NR4A3: variants seen among roughly 807,000 people sequenced by gnomAD.
NR4A3 encodes nuclear receptor subfamily 4 group A member 3.
Under a neutral mutation model 55.6 loss-of-function variants are expected in NR4A3, and 13 were observed. The ratio of observed to expected loss-of-function variants is 0.23; its 90% CI spans 0.15 to 0.37. The LOEUF (loss-of-function observed/expected upper bound fraction) is 0.37. Ranked by LOEUF, NR4A3 falls within the 10% of genes least tolerant of loss-of-function variation. NR4A3 has a pLI of 1.00. For synonymous variants in NR4A3, 342 were observed against 357.9 expected, an observed-to-expected ratio of 0.96 and a Z score of 0.50; for missense variants, 646 against 822.8, an observed-to-expected ratio of 0.79 and a Z score of 2.63.
At chr9:99,827,709 A>G (rs922310222) in intron 2 of NR4A3, among the ~76,000 whole-genome samples, 4 of 152,210 alleles carry the variant, frequency 2.6e-5, no homozygotes, top group African/African-American at 9.7e-5. Context: ...ATTAGTTTAT[A>G]GGATTCAAAG....
At chr9:99,850,181 A>C (rs1827823328) in intron 7 of NR4A3, among the ~76,000 whole-genome samples, 1 of 152,244 alleles carries the variant, frequency 6.6e-6, no homozygotes, top group East Asian at 1.9e-4. Context: ...TCTTGAGAAC[A>C]ACGAGGATCC....
chr9:99,864,242 G>A lies in NR4A3; in HGVS notation c.*375G>A, dbSNP rs1355900309. 2 of 254,194 alleles carry A rather than the reference G, an allele frequency of 7.9e-6. No homozygotes were observed. Among genetic ancestry groups the A allele is most frequent in the African/African-American group, 4.4e-5 (2 of 45,672 alleles). 15.7% of individuals were successfully genotyped at this position (254,194 alleles called of 1,614,324 possible). On this transcript the variant is annotated 3_prime_UTR_variant, in exon 8 of 8. Transcript: ENST00000395097. Reference sequence around the variant, plus strand: ...TGGGGAATCCAATTATAGTTGCTTTGTATTTAAAAACAAGAACAGCCAAGG... The same window carrying A: ...TGGGGAATCCAATTATAGTTGCTTTATATTTAAAAACAAGAACAGCCAAGG...
At chr9:99,829,315 C>G (rs1827394469) in intron 3 of NR4A3, among the ~76,000 whole-genome samples, 1 of 152,142 alleles carries the variant, frequency 6.6e-6, no homozygotes, top group African/African-American at 2.4e-5. Flanking sequence ...AACCTCATTG[C>G]TTTGTCTGTC....
At chr9:99,823,556 T>C (rs1227727201) in intron 1 of NR4A3, among the ~76,000 whole-genome samples, 1 of 152,140 alleles carries the variant, frequency 6.6e-6, no homozygotes, top group Non-Finnish European at 1.5e-5. Context: ...CGGATCTCCT[T>C]TTCCCACGAC....
intron 5 of NR4A3, among the ~76,000 whole-genome samples, chr9:99,836,048 A>T (rs1827553860): frequency 6.6e-6 from 1 of 152,234 alleles, no homozygotes; most frequent in African/African-American, 2.4e-5. Flanking sequence ...GACCCAAATC[A>T]ACTAAATTAA....
At position 99,821,974 on chromosome 9, in the gene NR4A3, A is replaced by T. The variant is rs1827185805; in HGVS notation, c.-610A>T. 1 of 132,674 alleles carries T rather than the reference A, an allele frequency of 7.5e-6. No homozygotes were observed. Among genetic ancestry groups the T allele is most frequent in the Non-Finnish European group, 1.6e-5 (1 of 64,286 alleles). 8.2% of individuals were successfully genotyped at this position (132,674 alleles called of 1,614,324 possible). ...CCGCTCCCCATACACAGACGCGCTCACACCCGCTCCCTCACTCGCACACAC... is the reference window on the plus strand; with the variant it reads ...CCGCTCCCCATACACAGACGCGCTCTCACCCGCTCCCTCACTCGCACACAC... On this transcript the variant is annotated 5_prime_UTR_variant, in exon 1 of 8. Transcript: ENST00000395097.
At chr9:99,859,747 A>G (rs1028131113) in intron 7 of NR4A3, among the ~76,000 whole-genome samples, 4 of 152,202 alleles carry the variant, frequency 2.6e-5, no homozygotes, top group Admixed American at 2.6e-4. Context: ...AGGTTCCACA[A>G]TCAGCTCCCT....
chr9:99,855,139 G>A (rs944113438), intron 7 of NR4A3, among the ~76,000 whole-genome samples: 5 of 151,470 alleles, frequency 3.3e-5, no homozygotes, highest in Non-Finnish European at 7.4e-5. Context: ...TTTGTCTGTT[G>A]TTGGTGTATA....
At chr9:99,861,819 G>C (rs1013807352) in intron 7 of NR4A3, among the ~76,000 whole-genome samples, 2 of 152,078 alleles carry the variant, frequency 1.3e-5, no homozygotes, top group African/African-American at 4.8e-5. Context: ...AGCCAGGCAC[G>C]GTAGCTCATG....
At chr9:99,830,952 A>T (rs1177441837) in intron 3 of NR4A3, among the ~76,000 whole-genome samples, 1 of 152,172 alleles carries the variant, frequency 6.6e-6, no homozygotes, top group Non-Finnish European at 1.5e-5. Flanking sequence ...CTCGAAAACA[A>T]ATCTATACTT....
intron 6 of NR4A3, 54 bp from the exon 7 acceptor site, chr9:99,847,383 T>A: frequency 6.5e-7 from 1 of 1,539,130 alleles, no homozygotes; most frequent in Non-Finnish European, 8.9e-7. Flanking sequence ...AATGTTATCA[T>A]GTTGGACAGA....
chr9:99,826,762 AT>A, intron 2 of NR4A3: 1 of 1,613,902 alleles, frequency 6.2e-7, no homozygotes, highest in African/African-American at 1.3e-5. Context: ...TCAAGATTTC[AT>A]CCCATACATG....
At position 99,825,257 on chromosome 9, in the gene NR4A3, C is replaced by T. The variant is rs1827273003; in HGVS notation, c.-176-402C>T. Among the ~76,000 whole-genome samples the T allele has an allele frequency of 6.6e-6, 1 of 152,240 alleles. No homozygotes were observed. The highest frequency in any genetic ancestry group is 2.1e-4 in the South Asian group (1 of 4,824). On this transcript the variant is annotated intron_variant, in intron 1 of 7. Transcript: ENST00000395097. The surrounding 1 kb of genome is among the most constrained non-coding windows in gnomAD (Gnocchi z 5.0). ...TTTCCGCTGGTGAACACTCACTGAC[C>T]CCCCGTATTCGGGCGGAGCTCGTTC...
At chr9:99,862,582 A>AAAAAAAAAAAAAAAAG (rs1564041242) in intron 7 of NR4A3, among the ~76,000 whole-genome samples, 14 of 116,172 alleles carry the variant, frequency 1.2e-4, no homozygotes, top group African/African-American at 3.8e-4. Flanking sequence ...AAAAAAAAAA[A>AAAAAAAAAAAAAAAAG]AGAGAGAGAA....
At chr9:99,853,321 C>CTTTTTT (rs71370971) in intron 7 of NR4A3, among the ~76,000 whole-genome samples, 258 of 122,298 alleles carry the variant, frequency 2.1e-3, no homozygotes, top group Non-Finnish European at 3.0e-3. Context: ...TAGGGAATTT[C>CTTTTTT]TTTTTTTTTT....
intron 5 of NR4A3, 139 bp downstream of exon 5, chr9:99,833,593 C>T (rs557277184): frequency 6.2e-7 from 1 of 1,602,616 alleles, no homozygotes; most frequent in African/African-American, 1.3e-5. Context: ...TTTCTCGCTT[C>T]ATTTAGCAAT....
At chr9:99,833,840 T>A in intron 5 of NR4A3, 1 of 1,280,770 alleles carries the variant, frequency 7.8e-7, no homozygotes, top group Non-Finnish European at 1.0e-6. Flanking sequence ...CTCAAGTTAT[T>A]ACTAAGCAGT....
rs1488408195 is a variant in NR4A3, at chr9:99,847,484, T to A, written c.1502T>A (p.Leu501Gln). Residue 501 changes from leucine (L) to glutamine (Q), a missense_variant, in exon 7 of 8, where the codon CTG becomes CAG. Physicochemically the swap from Leu to Gln is moderately radical, Grantham distance 113. Around this residue, in one of 5 missense-constraint regions of NR4A3, gnomAD observed 163 missense variants for 233.0 expected, o/e 0.70. Coordinates refer to ENST00000395097, the MANE Select transcript of NR4A3 (RefSeq NM_006981.4). ...TTTGTGTTCTGCAATGGACTTGTCC[T>A]GCATCGACTTCAGTGCCTTCGTGGA... Reference protein sequence around the residue: ...DKFVFCNGLVLHRLQCLRGFG... With the variant: ...DKFVFCNGLVQHRLQCLRGFG... The A allele has an allele frequency of 6.2e-7, 1 of 1,614,236 alleles. No individual in the cohort carries two copies.
intron 5 of NR4A3, 94 bp from the exon 6 acceptor site, chr9:99,844,555 T>C: frequency 2.2e-6 from 2 of 921,172 alleles, no homozygotes; most frequent in Non-Finnish European, 3.5e-6. Context: ...AGTAAGAATT[T>C]AGGCATTGAT....
Sources: gnomAD v4.1 joint callset for allele counts (sites outside exome capture counted in the v4.1 genomes callset) on GRCh38, gnomAD v4.1.1 for gene constraint, gnomAD v4.1.1 regional missense constraint, Gnocchi (gnomAD v3.1) non-coding constraint, MANE v1.5 for transcripts, NCBI Gene and HGNC (gene_info 2026-07-23, HGNC 2026-07-21) for gene names.